Variants in CNBD1 observed in about 807,000 individuals in gnomAD.
CNBD1 encodes cyclic nucleotide binding domain containing 1.
Under a neutral mutation model 54.4 loss-of-function variants are expected in CNBD1, and 71 were observed. The ratio of observed to expected loss-of-function variants is 1.30; its 90% CI spans 1.08 to 1.59. The LOEUF (loss-of-function observed/expected upper bound fraction) is 1.59. Among genes scored for constraint, CNBD1 ranks in the 40% most tolerant of loss-of-function variants. The pLI, the probability that CNBD1 is intolerant of heterozygous loss-of-function variation, is 0.00. For synonymous variants in CNBD1, 182 were observed against 170.7 expected (o/e 1.07, Z -0.51); for missense variants, 659 against 518.0 (o/e 1.27, Z -2.64).
chr8:87,293,146 TC>T (rs1312023250), intron 8 of CNBD1, among the ~76,000 whole-genome samples: 1 of 152,220 alleles, frequency 6.6e-6, no homozygotes, highest in Non-Finnish European at 1.5e-5. Context: ...TAAATTTTTT[TC>T]ATAAGAAATA....
intron 8 of CNBD1, among the ~76,000 whole-genome samples, chr8:87,309,730 C>T (rs867796665): frequency 6.6e-6 from 1 of 152,070 alleles, no homozygotes; most frequent in Non-Finnish European, 1.5e-5. Flanking sequence ...CAATCATCTC[C>T]TGGATAGAGT....
At chr8:86,948,249 T>A (rs924273473) in intron 4 of CNBD1, among the ~76,000 whole-genome samples, 1 of 152,180 alleles carries the variant, frequency 6.6e-6, no homozygotes, top group Non-Finnish European at 1.5e-5. Context: ...TTCAATATAC[T>A]GATTTCCTTT....
intron 3 of CNBD1, among the ~76,000 whole-genome samples, chr8:86,917,765 C>T (rs1211153251): frequency 6.6e-6 from 1 of 152,176 alleles, no homozygotes; most frequent in Non-Finnish European, 1.5e-5. Context: ...CTCTCTCCAA[C>T]TACAATCATG....
At chr8:87,229,990 T>C (rs77652114) in intron 5 of CNBD1, among the ~76,000 whole-genome samples, 2,764 of 152,258 alleles carry the variant, frequency 0.018, 93 homozygotes, top group African/African-American at 0.064. Context: ...TGCCTCATGG[T>C]ACCACAGTCT....
intron 8 of CNBD1, among the ~76,000 whole-genome samples, chr8:87,336,022 GC>G (rs1267977332): frequency 6.6e-6 from 1 of 152,084 alleles, no homozygotes; most frequent in African/African-American, 2.4e-5. Context: ...TTGAATATTG[GC>G]CCCACTCTCT....
chr8:87,256,519 T>C (rs991372144), intron 6 of CNBD1, among the ~76,000 whole-genome samples: 2 of 151,928 alleles, frequency 1.3e-5, no homozygotes, highest in African/African-American at 4.8e-5. Context: ...CTGATACAGA[T>C]GAAGTGCCTG....
intron 8 of CNBD1, among the ~76,000 whole-genome samples, chr8:87,325,715 T>G (rs1809652944): frequency 7.1e-6 from 1 of 141,156 alleles, no homozygotes; most frequent in Non-Finnish European, 1.5e-5. Flanking sequence ...GTGAGATGGG[T>G]TTCCTGAATA....
intron 6 of CNBD1, among the ~76,000 whole-genome samples, chr8:87,255,992 TATATATATATATATATATA>T (rs1563525959): frequency 2.3e-4 from 3 of 13,156 alleles, no homozygotes; most frequent in South Asian, 2.6e-3. Context: ...TATATATATA[TATATATATATATATATATA>T]TATATTTTTT....
intron 2 of CNBD1, among the ~76,000 whole-genome samples, chr8:87,400,049 G>C (rs1014458069): frequency 6.6e-6 from 1 of 151,790 alleles, no homozygotes; most frequent in East Asian, 1.9e-4. Flanking sequence ...CAGTGGTCAC[G>C]GCACCAGCAA....
At chr8:87,047,340 A>C (rs1810216802) in intron 4 of CNBD1, among the ~76,000 whole-genome samples, 1 of 152,174 alleles carries the variant, frequency 6.6e-6, no homozygotes, top group South Asian at 2.1e-4. Context: ...AAAGCTATCA[A>C]AGGGAACCCC....
chr8:87,090,669 T>A (rs570962923), intron 4 of CNBD1, among the ~76,000 whole-genome samples: 4 of 152,352 alleles, frequency 2.6e-5, no homozygotes, highest in African/African-American at 4.8e-5. Flanking sequence ...TTGATTAATT[T>A]ATTTAATTTT....
At chr8:87,212,394 A>C (rs775509100) in intron 5 of CNBD1, among the ~76,000 whole-genome samples, 1 of 152,138 alleles carries the variant, frequency 6.6e-6, no homozygotes, top group Non-Finnish European at 1.5e-5. Flanking sequence ...AGGAGATGCA[A>C]AACAGCCACA....
intron 4 of CNBD1, among the ~76,000 whole-genome samples, chr8:87,003,174 A>G (rs1285765144): frequency 1.3e-5 from 2 of 152,204 alleles, no homozygotes. Flanking sequence ...TCATTGGTTA[A>G]TATTATCTTT....
intron 3 of CNBD1, among the ~76,000 whole-genome samples, chr8:86,925,446 T>C (rs1809341511): frequency 6.6e-6 from 1 of 151,658 alleles, no homozygotes; most frequent in African/African-American, 2.4e-5. Flanking sequence ...CTGGTTCTAA[T>C]TACTACCTAG....
intron 2 of CNBD1, 55 bp from the exon 3 acceptor site, chr8:86,905,026 C>G: frequency 9.5e-7 from 1 of 1,052,930 alleles, no homozygotes; most frequent in Non-Finnish European, 1.4e-6. Flanking sequence ...AAATCTTTCT[C>G]TTGGAAGCTG....
chr8:86,901,581 A>G (rs1254345286), intron 2 of CNBD1, among the ~76,000 whole-genome samples: 1 of 152,154 alleles, frequency 6.6e-6, no homozygotes, highest in Non-Finnish European at 1.5e-5. Context: ...TTTGCACAAT[A>G]TAATTTTATT....
chr8:87,422,068 G>A (rs1224999967), intron 2 of CNBD1, among the ~76,000 whole-genome samples: 4 of 142,572 alleles, frequency 2.8e-5, no homozygotes, highest in East Asian at 3.9e-4. Flanking sequence ...CTGCATAAAT[G>A]TCTTTGTTTG....
intron 8 of CNBD1, among the ~76,000 whole-genome samples, chr8:87,308,107 C>T (rs1031326693): frequency 6.6e-6 from 1 of 152,100 alleles, no homozygotes; most frequent in Non-Finnish European, 1.5e-5. Context: ...GTGAAAAAGT[C>T]CCTTTTCCTG....
chr8:87,188,349 A>T (rs1813524154), intron 4 of CNBD1, among the ~76,000 whole-genome samples: 1 of 152,222 alleles, frequency 6.6e-6, no homozygotes, highest in African/African-American at 2.4e-5. Flanking sequence ...TGAGGCAAGG[A>T]CAAGGTCTGT....
Sources: allele counts gnomAD v4.1 joint callset (sites outside exome capture counted in the v4.1 genomes callset), GRCh38; gene constraint gnomAD v4.1.1; transcripts MANE v1.5; gene names NCBI Gene and HGNC (gene_info 2026-07-23, HGNC 2026-07-21).